ASIC2: variants seen among roughly 807,000 people sequenced by gnomAD.
The protein encoded by ASIC2 is acid sensing ion channel subunit 2.
A neutral mutation model predicts 57.3 loss-of-function variants in ASIC2; 25 were observed. The ratio of observed to expected loss-of-function variants is 0.44; its 90% CI spans 0.32 to 0.61. The LOEUF (loss-of-function observed/expected upper bound fraction) is 0.61. Ranked by LOEUF, ASIC2 falls within the 20% of genes least tolerant of loss-of-function variation. The pLI is 0.06. For synonymous variants in ASIC2, 319 were observed against 307.5 expected, an observed-to-expected ratio of 1.04 and a Z score of -0.39; for missense variants, 641 against 738.1, an observed-to-expected ratio of 0.87 and a Z score of 1.52.
intron 1 of ASIC2, among the ~76,000 whole-genome samples, chr17:33,169,568 T>C (rs1359391247): frequency 2.0e-5 from 3 of 152,172 alleles, no homozygotes; most frequent in Non-Finnish European, 4.4e-5. Flanking sequence ...AAACAGCTAG[T>C]AAACAAAGGA....
At chr17:33,952,699 C>T (rs1904615043) in intron 1 of ASIC2, among the ~76,000 whole-genome samples, 1 of 151,944 alleles carries the variant, frequency 6.6e-6, no homozygotes, top group Admixed American at 6.6e-5. Flanking sequence ...AATTGCACTC[C>T]CTAGCCTAAG....
intron 1 of ASIC2, among the ~76,000 whole-genome samples, chr17:33,912,290 C>G (rs180753626): frequency 6.6e-6 from 1 of 151,596 alleles, no homozygotes; most frequent in African/African-American, 2.4e-5. Context: ...GTCAGGAGTT[C>G]GAGACCAGCC....
At chr17:33,792,994 C>T (rs1042107369) in intron 1 of ASIC2, 3 of 152,200 alleles carry the variant, frequency 2.0e-5, no homozygotes, top group African/African-American at 7.2e-5. Context: ...CAGAACAGGA[C>T]TTTGACTAAT....
chr17:33,224,642 A>G (rs1049371239), intron 1 of ASIC2, among the ~76,000 whole-genome samples: 6 of 152,194 alleles, frequency 3.9e-5, no homozygotes, highest in Non-Finnish European at 8.8e-5. Flanking sequence ...ATTTTATCGA[A>G]TTCTCACTGC....
chr17:34,025,432 G>T (rs1452075101), intron 1 of ASIC2, among the ~76,000 whole-genome samples: 1 of 152,152 alleles, frequency 6.6e-6, no homozygotes, highest in Non-Finnish European at 1.5e-5. Flanking sequence ...TTGTTACCCT[G>T]AGTGAAGCAC....
At chr17:33,435,670 T>A (rs950135071) in intron 1 of ASIC2, among the ~76,000 whole-genome samples, 1 of 152,202 alleles carries the variant, frequency 6.6e-6, no homozygotes, top group African/African-American at 2.4e-5. Context: ...TGTCTCTTTA[T>A]AGAAGCAGTT....
intron 1 of ASIC2, among the ~76,000 whole-genome samples, chr17:33,477,106 T>C (rs1913255006): frequency 6.6e-6 from 1 of 152,206 alleles, no homozygotes; most frequent in South Asian, 2.1e-4. Flanking sequence ...TATTCCATTG[T>C]ATAGCTTTAT....
At chr17:33,870,224 G>GTTTT (rs869267956) in intron 1 of ASIC2, among the ~76,000 whole-genome samples, 10 of 50,122 alleles carry the variant, frequency 2.0e-4, no homozygotes, top group Non-Finnish European at 2.4e-4. Flanking sequence ...GAGAAATTCT[G>GTTTT]TTTTTTTTTT....
chr17:33,180,390 C>T (rs1458477241), intron 1 of ASIC2, among the ~76,000 whole-genome samples: 1 of 152,196 alleles, frequency 6.6e-6, no homozygotes, highest in Non-Finnish European at 1.5e-5. Context: ...ATCATGGAAG[C>T]AGGAGGAGCG....
At chr17:33,391,610 T>C (rs1415705928) in intron 1 of ASIC2, among the ~76,000 whole-genome samples, 1 of 152,212 alleles carries the variant, frequency 6.6e-6, no homozygotes, top group Non-Finnish European at 1.5e-5. Context: ...TCTCCTTGCC[T>C]TGACCTTGAG....
chr17:33,690,743 G>GTTTTTTTTT (rs527881591), intron 1 of ASIC2, among the ~76,000 whole-genome samples: 3 of 81,676 alleles, frequency 3.7e-5, no homozygotes, highest in Non-Finnish European at 6.5e-5. Flanking sequence ...ACTCTTCATT[G>GTTTTTTTTT]TTTTTTTTTT....
chr17:33,245,825 C>T (rs1476759680), intron 1 of ASIC2, among the ~76,000 whole-genome samples: 2 of 152,180 alleles, frequency 1.3e-5, no homozygotes, highest in African/African-American at 4.8e-5. Context: ...CCAGAGTGTG[C>T]AGGCCCCATA....
intron 1 of ASIC2, among the ~76,000 whole-genome samples, chr17:33,345,105 A>C (rs921480377): frequency 6.6e-6 from 1 of 152,238 alleles, no homozygotes; most frequent in African/African-American, 2.4e-5. Flanking sequence ...TGTCATGTGC[A>C]GATAAGGCTC....
At chr17:33,807,538 G>GA (rs1912302505) in intron 1 of ASIC2, among the ~76,000 whole-genome samples, 1 of 152,094 alleles carries the variant, frequency 6.6e-6, no homozygotes, top group Non-Finnish European at 1.5e-5. Flanking sequence ...GAGTAATTCA[G>GA]GGTTCAGTCT....
At chr17:33,035,580 G>A (rs1438743332) in intron 3 of ASIC2, among the ~76,000 whole-genome samples, 1 of 152,190 alleles carries the variant, frequency 6.6e-6, no homozygotes, top group African/African-American at 2.4e-5. Flanking sequence ...TAGTCCTGGG[G>A]TTTAGCCCCT....
chr17:33,477,409 C>T (rs1913264891), intron 1 of ASIC2, among the ~76,000 whole-genome samples: 1 of 152,210 alleles, frequency 6.6e-6, no homozygotes, highest in Non-Finnish European at 1.5e-5. Flanking sequence ...CTAGCTCTGG[C>T]TCTGTCCCTG....
At chr17:33,948,557 T>A (rs12603073) in intron 1 of ASIC2, among the ~76,000 whole-genome samples, 1 of 152,132 alleles carries the variant, frequency 6.6e-6, no homozygotes, top group East Asian at 1.9e-4. Context: ...GGCCTCTGAC[T>A]GCATGGTGCC....
chr17:33,283,806 T>A (rs1156282626), intron 1 of ASIC2, among the ~76,000 whole-genome samples: 2 of 152,154 alleles, frequency 1.3e-5, no homozygotes, highest in Admixed American at 6.5e-5. Flanking sequence ...CATTATCACA[T>A]CCTATCCAGG....
chr17:33,929,241 G>A (rs536108291), intron 1 of ASIC2, among the ~76,000 whole-genome samples: 1 of 152,050 alleles, frequency 6.6e-6, no homozygotes, highest in Non-Finnish European at 1.5e-5. Flanking sequence ...CAGCCCCTTT[G>A]CCTTGCCCTG....
Sources: gnomAD v4.1 joint callset for allele counts (sites outside exome capture counted in the v4.1 genomes callset) on GRCh38, gnomAD v4.1.1 for gene constraint, MANE v1.5 for transcripts, NCBI Gene and HGNC (gene_info 2026-07-23, HGNC 2026-07-21) for gene names.